Variants in CAST observed in about 807,000 individuals in gnomAD.
The protein encoded by CAST is calpastatin.
Under a neutral mutation model 119.6 loss-of-function variants are expected in CAST, and 76 were observed. The ratio of observed to expected loss-of-function variants is 0.64; its 90% confidence interval spans 0.53 to 0.77. The LOEUF is 0.77. Ranked by LOEUF, CAST falls within the 30% of genes least tolerant of loss-of-function variation. The pLI is 0.00. For missense variants in CAST, 953 were observed against 946.5 expected (o/e 1.01, Z -0.09); for synonymous variants, 319 against 331.6 (o/e 0.96, Z 0.41).
chr5:96,174,676 C>T, the CAST span, among the ~76,000 whole-genome samples: 1 of 152,182 alleles, frequency 6.6e-6, no homozygotes. Flanking sequence ...TATACTCTCT[C>T]TTTCTAGCTT....
At position 96,644,267 on chromosome 5, in the gene CAST, G is replaced by A. The variant is rs370695423; in HGVS notation, c.61-31272G>A. On this transcript the variant is annotated intron_variant, in intron 1 of 11. Transcript: ENST00000505143. ...TAATTAAGTTTCTTGTACAGTGAAA[G>A]TCTGTCATTTAAATTTCTCTTTACC... 5.3e-5 allele frequency among the ~76,000 whole-genome samples: 8 copies of A among 152,272 alleles called. No individual in the cohort carries two copies. In the East Asian group the frequency reaches 1.2e-3, roughly 22 times the overall value.
chr5:96,195,526 TAA>T, the CAST span, among the ~76,000 whole-genome samples: 1 of 152,202 alleles, frequency 6.6e-6, no homozygotes, highest in Non-Finnish European at 1.5e-5. Flanking sequence ...ATAAAATTCT[TAA>T]AGAGATAGCA....
chr5:96,340,303 T>C, the CAST span, among the ~76,000 whole-genome samples: 1 of 152,204 alleles, frequency 6.6e-6, no homozygotes, highest in East Asian at 1.9e-4. Context: ...CAGGTCCTTT[T>C]GTAGAAAGAA....
intron 1 of CAST, among the ~76,000 whole-genome samples, chr5:96,609,955 G>A (rs958877004): frequency 6.6e-5 from 10 of 152,080 alleles, no homozygotes; most frequent in Non-Finnish European, 1.0e-4. Flanking sequence ...TTTGGGAGGG[G>A]CCAGAGGTGA....
the CAST span, among the ~76,000 whole-genome samples, chr5:96,512,607 C>T: frequency 6.6e-6 from 1 of 152,146 alleles, no homozygotes; most frequent in Admixed American, 6.5e-5. Flanking sequence ...GAAAAACCAT[C>T]ATTTGATTTT....
At chr5:96,730,569 G>A (rs191598450) in intron 8 of CAST, among the ~76,000 whole-genome samples, 30 of 152,208 alleles carry the variant, frequency 2.0e-4, no homozygotes, top group African/African-American at 6.3e-4. Flanking sequence ...ATTGACCTAC[G>A]CAAGTTACCT....
At chr5:96,746,530 C>A in intron 17 of CAST, 105 bp downstream of exon 17, 1 of 774,648 alleles carries the variant, frequency 1.3e-6, no homozygotes, top group Non-Finnish European at 2.3e-6. Flanking sequence ...GTCCCCCATT[C>A]AGATATTAAC....
intron 1 of CAST, among the ~76,000 whole-genome samples, chr5:96,645,220 T>C (rs1211193994): frequency 6.6e-6 from 1 of 152,186 alleles, no homozygotes; most frequent in Non-Finnish European, 1.5e-5. Flanking sequence ...GCTTATCTGA[T>C]GTTTTTCTCA....
the CAST span, among the ~76,000 whole-genome samples, chr5:96,326,342 T>G: frequency 6.6e-6 from 1 of 152,218 alleles, no homozygotes; most frequent in Non-Finnish European, 1.5e-5. Context: ...ATGTCTCTAC[T>G]ACCCTTACTC....
At chr5:96,619,184 A>G (rs994285122) in intron 1 of CAST, among the ~76,000 whole-genome samples, 1 of 152,146 alleles carries the variant, frequency 6.6e-6, no homozygotes, top group Admixed American at 6.5e-5. Context: ...TAAATGCACC[A>G]ATCAGCACTC....
At chr5:96,091,276 C>G in the CAST span, among the ~76,000 whole-genome samples, 1 of 151,546 alleles carries the variant, frequency 6.6e-6, no homozygotes, top group Non-Finnish European at 1.5e-5. Flanking sequence ...AAGCTTGGCT[C>G]ACTGCAACCT....
At chr5:96,650,305 G>A (rs944535596) in intron 1 of CAST, among the ~76,000 whole-genome samples, 1 of 152,140 alleles carries the variant, frequency 6.6e-6, no homozygotes, top group Admixed American at 6.5e-5. Flanking sequence ...CCTGTTAGAG[G>A]CCTCAGGTTG....
chr5:96,346,417 G>C, the CAST span, among the ~76,000 whole-genome samples: 1 of 152,080 alleles, frequency 6.6e-6, no homozygotes, highest in Non-Finnish European at 1.5e-5. Context: ...AATGGATTTG[G>C]CTTTTGTCAC....
upstream of CAST, chr5:96,662,279 G>A (rs1748615323): frequency 9.7e-7 from 1 of 1,029,030 alleles, no homozygotes; most frequent in Non-Finnish European, 1.3e-6. Flanking sequence ...ACCTGGGGTG[G>A]GGTCGGAAAA....
At chr5:96,138,931 A>G in the CAST span, among the ~76,000 whole-genome samples, 12 of 151,660 alleles carry the variant, frequency 7.9e-5, no homozygotes, top group African/African-American at 2.7e-4. Flanking sequence ...TTTTTGTCTT[A>G]TTGCACAAAC....
the CAST span, among the ~76,000 whole-genome samples, chr5:96,216,183 T>C: frequency 6.6e-6 from 1 of 152,148 alleles, no homozygotes; most frequent in Non-Finnish European, 1.5e-5. Flanking sequence ...ATAAACAAAA[T>C]ATGTGATTTG....
chr5:96,484,663 A>G, the CAST span, among the ~76,000 whole-genome samples: 1 of 152,168 alleles, frequency 6.6e-6, no homozygotes, highest in Non-Finnish European at 1.5e-5. Context: ...AAAGAGGAGA[A>G]ATTTTCTCTC....
chr5:96,090,251 G>T, the CAST span, among the ~76,000 whole-genome samples: 1 of 152,164 alleles, frequency 6.6e-6, no homozygotes, highest in South Asian at 2.1e-4. Flanking sequence ...CTTCTTGAGA[G>T]CATGTCTTCC....
At chr5:96,654,187 C>A (rs527372717) in intron 1 of CAST, among the ~76,000 whole-genome samples, 1 of 152,060 alleles carries the variant, frequency 6.6e-6, no homozygotes, top group East Asian at 1.9e-4. Flanking sequence ...CCATGCCTGG[C>A]TAAATTTTTT....
Sources: allele counts gnomAD v4.1 joint callset (sites outside exome capture counted in the v4.1 genomes callset), GRCh38; gene constraint gnomAD v4.1.1; transcripts MANE v1.5; gene names NCBI Gene and HGNC (gene_info 2026-07-23, HGNC 2026-07-21).